GRM3: variants seen among roughly 807,000 people sequenced by gnomAD.
GRM3 encodes glutamate metabotropic receptor 3.
A neutral mutation model predicts 70.5 loss-of-function variants in GRM3; 26 were observed. That is an observed-to-expected ratio of 0.37 (90% CI 0.27 to 0.51). GRM3 has a LOEUF of 0.51. GRM3 is among the 20% of genes least tolerant of loss of function. The pLI, the probability that GRM3 is intolerant of heterozygous loss-of-function variation, is 0.93. For missense variants in GRM3, 859 were observed against 1,123.8 expected (o/e 0.76, Z 3.37); for synonymous variants, 443 against 434.9 (o/e 1.02, Z -0.23).
rs767407694 is a variant in GRM3, at chr7:86,839,427, C to T, written c.1913C>T (p.Pro638Leu). Reference protein sequence around the residue: ...MTFFFIAKPSPVICALRRLGL... With the variant: ...MTFFFIAKPSLVICALRRLGL... Reference sequence around the variant, plus strand: ...TTCTTCTTCATTGCCAAGCCATCACCAGTCATCTGTGCATTGCGCCGACTC... The same window carrying T: ...TTCTTCTTCATTGCCAAGCCATCACTAGTCATCTGTGCATTGCGCCGACTC... Residue 638 changes from proline (P) to leucine (L), a missense_variant, in exon 4 of 6, where the codon CCA becomes CTA. Pro to Leu is a moderately conservative substitution (Grantham distance 98). Transcript: ENST00000361669. This position sits in a 1 kb window ranked among gnomAD's most constrained non-coding sequence, Gnocchi z 4.5. 1.9e-6 allele frequency: 3 copies of T among 1,613,968 alleles called. No individual in the cohort carries two copies. The highest frequency in any genetic ancestry group is 2.5e-6 in the Non-Finnish European group (3 of 1,179,872).
At chr7:86,724,212 T>A (rs17160935) in intron 1 of GRM3, among the ~76,000 whole-genome samples, 2 of 152,024 alleles carry the variant, frequency 1.3e-5, no homozygotes, top group African/African-American at 4.8e-5. Context: ...AATGCTCTTA[T>A]CATTCTTGAA....
chr7:86,729,963 C>T (rs151199883), intron 1 of GRM3, among the ~76,000 whole-genome samples: 6,057 of 151,434 alleles, frequency 0.04, 220 homozygotes, highest in African/African-American at 0.095. Context: ...AAAAATTAGC[C>T]GGGCGTGGTG....
At position 86,786,465 on chromosome 7, in the gene GRM3, A is replaced by G. The variant is rs1797248194; in HGVS notation, c.673A>G (p.Thr225Ala). ...AGCCTCCGAGGGTGATTACGGGGAG[A>G]CAGGGATCGAGGCCTTCGAGCAGGA... ...TVASEGDYGETGIEAFEQEAR... is the reference protein window; with the variant it reads ...TVASEGDYGEAGIEAFEQEAR... Residue 225 changes from threonine (T) to alanine (A), a missense_variant, in exon 3 of 6, where the codon ACA (threonine) becomes GCA (alanine). Physicochemically the swap from Thr to Ala is moderately conservative, Grantham distance 58. Coordinates refer to ENST00000361669, the MANE Select transcript of GRM3 (RefSeq NM_000840.3). This position sits in a 1 kb window ranked among gnomAD's most constrained non-coding sequence, Gnocchi z 6.0. 1 of 1,614,102 alleles carries G rather than the reference A, an allele frequency of 6.2e-7. No individual in the cohort carries two copies. Among genetic ancestry groups the G allele is most frequent in the Non-Finnish European group, 8.5e-7 (1 of 1,180,044 alleles).
At chr7:86,806,455 A>T (rs990287357) in intron 3 of GRM3, among the ~76,000 whole-genome samples, 10 of 152,128 alleles carry the variant, frequency 6.6e-5, no homozygotes, top group East Asian at 5.8e-4. Context: ...CTGGTGTGAG[A>T]TGGTATCTCA....
At chr7:86,732,636 T>C (rs1795761169) in intron 1 of GRM3, among the ~76,000 whole-genome samples, 1 of 152,224 alleles carries the variant, frequency 6.6e-6, no homozygotes, top group African/African-American at 2.4e-5. Context: ...TCCTATAGAC[T>C]AGATATTAAC....
intron 3 of GRM3, among the ~76,000 whole-genome samples, chr7:86,809,623 A>G (rs1260535018): frequency 1.3e-5 from 2 of 152,026 alleles, no homozygotes; most frequent in Non-Finnish European, 2.9e-5. Context: ...GGCTTCATTG[A>G]TGAATGTGTT....
At chr7:86,706,040 C>A (rs139060533) in intron 1 of GRM3, among the ~76,000 whole-genome samples, 1 of 98,688 alleles carries the variant, frequency 1.0e-5, no homozygotes, top group East Asian at 2.2e-4. Context: ...TTTGTTTATA[C>A]AAATCCATAG....
intron 3 of GRM3, among the ~76,000 whole-genome samples, chr7:86,801,365 G>A (rs150932558): frequency 0.018 from 2,812 of 152,156 alleles, 45 homozygotes; most frequent in Non-Finnish European, 0.032. Flanking sequence ...CAGTGTGCCC[G>A]GCCACCACAG....
chr7:86,701,171 C>T (rs529073071), intron 1 of GRM3, among the ~76,000 whole-genome samples: 16 of 151,758 alleles, frequency 1.1e-4, no homozygotes, highest in South Asian at 8.3e-4. Flanking sequence ...AAAAGATAAA[C>T]GATGTCCAAC....
At chr7:86,758,414 A>T (rs994145851) in intron 1 of GRM3, among the ~76,000 whole-genome samples, 2 of 152,162 alleles carry the variant, frequency 1.3e-5, no homozygotes, top group Non-Finnish European at 2.9e-5. Flanking sequence ...GAGGTAAAGG[A>T]CAAAGGTGGA....
chr7:86,685,344 G>C (rs1278842304), intron 1 of GRM3, among the ~76,000 whole-genome samples: 1 of 152,082 alleles, frequency 6.6e-6, no homozygotes, highest in East Asian at 1.9e-4. Context: ...TTACAGATTG[G>C]TTTCTAACCA....
chr7:86,786,824 C>G lies in GRM3; in HGVS notation c.1032C>G (p.Asn344Lys). Residue 344 changes from asparagine to lysine, a missense_variant, in exon 3 of 6, where the codon AAC becomes AAG. Transcript: ENST00000361669. This position sits in a 1 kb window ranked among gnomAD's most constrained non-coding sequence, Gnocchi z 6.0. ...DRYFQSLNPYNNHRNPWFRDF... is the reference protein window; with the variant it reads ...DRYFQSLNPYKNHRNPWFRDF... ...ACTTCCAGAGCCTCAACCCCTACAA[C>G]AACCACCGCAACCCCTGGTTCCGGG... 2 of 1,614,226 alleles carry G rather than the reference C, an allele frequency of 1.2e-6. No homozygotes were observed. Among genetic ancestry groups the G allele is most frequent in the Non-Finnish European group, 1.7e-6 (2 of 1,180,026 alleles).
At chr7:86,818,544 A>T (rs1368126617) in intron 3 of GRM3, among the ~76,000 whole-genome samples, 2 of 152,126 alleles carry the variant, frequency 1.3e-5, no homozygotes, top group Non-Finnish European at 2.9e-5. Context: ...GGGTTAAGCT[A>T]AATGAGATGA....
At chr7:86,654,437 G>A (rs753478277) in intron 1 of GRM3, among the ~76,000 whole-genome samples, 18 of 152,120 alleles carry the variant, frequency 1.2e-4, no homozygotes, top group Non-Finnish European at 1.5e-5. Context: ...TTTCTTGACC[G>A]TTCTGATGGT....
At chr7:86,734,356 T>C (rs192548176) in intron 1 of GRM3, among the ~76,000 whole-genome samples, 63 of 152,284 alleles carry the variant, frequency 4.1e-4, no homozygotes, top group South Asian at 8.3e-4. Flanking sequence ...GGGAGAAGTA[T>C]TAGGCAACAC....
At chr7:86,657,266 G>T (rs550857715) in intron 1 of GRM3, among the ~76,000 whole-genome samples, 1 of 152,320 alleles carries the variant, frequency 6.6e-6, no homozygotes, top group Admixed American at 6.5e-5. Context: ...CCCTTAGAAT[G>T]TAAAATCTTA....
chr7:86,737,751 A>T lies in GRM3; in HGVS notation c.-140-27255A>T, dbSNP rs78074916. Among the ~76,000 whole-genome samples the T allele has an allele frequency of 8.9e-3, 1,359 of 152,342 alleles. 17 individuals are homozygous for T. The highest frequency in any genetic ancestry group is 0.031 in the African/African-American group (1,294 of 41,582). On this transcript the variant is annotated intron_variant, in intron 1 of 5. Coordinates refer to ENST00000361669, the MANE Select transcript of GRM3 (RefSeq NM_000840.3). Reference sequence around the variant, plus strand: ...GCTAGTGATTAATAAGGATTTATATAGCCTCTGCAGGGGCAGAATATAATA... The same window carrying T: ...GCTAGTGATTAATAAGGATTTATATTGCCTCTGCAGGGGCAGAATATAATA...
chr7:86,694,712 A>C (rs576066566), intron 1 of GRM3, among the ~76,000 whole-genome samples: 1 of 152,312 alleles, frequency 6.6e-6, no homozygotes, highest in Admixed American at 6.5e-5. Context: ...GGTTTCACTT[A>C]ACAAGTGACT....
intron 4 of GRM3, among the ~76,000 whole-genome samples, chr7:86,848,093 A>C (rs961725149): frequency 6.6e-6 from 1 of 152,210 alleles, no homozygotes; most frequent in African/African-American, 2.4e-5. Context: ...GCACAATGAG[A>C]AAAAACATCC....
Sources: allele counts gnomAD v4.1 joint callset (sites outside exome capture counted in the v4.1 genomes callset), GRCh38; gene constraint gnomAD v4.1.1; non-coding constraint Gnocchi (gnomAD v3.1); transcripts MANE v1.5; gene names NCBI Gene and HGNC (gene_info 2026-07-23, HGNC 2026-07-21).